The following ZBTB20 variants were observed in gnomAD, a reference collection of about 807,000 sequenced individuals.
ZBTB20 encodes zinc finger and BTB domain containing 20, also known as zinc finger and BTB domain-containing protein 20.
Under a neutral mutation model 56.9 loss-of-function variants are expected in ZBTB20, and 9 were observed. The observed-to-expected ratio is 0.16, with a 90% CI of 0.10 to 0.28. The LOEUF (loss-of-function observed/expected upper bound fraction) is 0.28. Among genes scored for constraint, ZBTB20 ranks in the 10% least tolerant of loss-of-function variants. ZBTB20 has a pLI of 1.00. For missense variants in ZBTB20, 655 were observed against 1,003.0 expected (o/e 0.65, Z 4.69); for synonymous variants, 417 against 420.7 (o/e 0.99, Z 0.11).
In ZBTB20 at chr3:115,003,410, GT is replaced by G. The variant is rs112518810; in HGVS notation, c.-506-28995del. On this transcript the variant is annotated intron_variant, in intron 2 of 11. Coordinates refer to ENST00000675478, the MANE Select transcript of ZBTB20 (RefSeq NM_001348800.3). ...TACAGGAACTCTACTTTCTCCCCAGGTTTTTTTTTTGTTTGTTTTTTGTTTG... is the reference window on the plus strand; with the variant it reads ...TACAGGAACTCTACTTTCTCCCCAGGTTTTTTTTTGTTTGTTTTTTGTTTG... 6.2e-3 allele frequency among the ~76,000 whole-genome samples: 894 copies of G among 144,844 alleles called. 12 individuals are homozygous for G. The highest frequency in any genetic ancestry group is 0.021 in the African/African-American group (864 of 40,556).
chr3:114,944,591 G>A (rs1283980265), intron 3 of ZBTB20, among the ~76,000 whole-genome samples: 1 of 145,550 alleles, frequency 6.9e-6, no homozygotes, highest in Non-Finnish European at 1.5e-5. Context: ...AGTGGCATCA[G>A]CATAAAAACA....
intron 1 of ZBTB20, among the ~76,000 whole-genome samples, chr3:115,132,060 T>C (rs959948901): frequency 1.3e-5 from 2 of 152,276 alleles, no homozygotes; most frequent in East Asian, 1.9e-4. Flanking sequence ...AATAACACTG[T>C]TGACTTCAAA....
chr3:114,767,353 A>G (rs1056410742), intron 5 of ZBTB20, among the ~76,000 whole-genome samples: 7 of 152,102 alleles, frequency 4.6e-5, no homozygotes, highest in Non-Finnish European at 1.0e-4. Context: ...GATATTCTCA[A>G]AACTGGGATG....
At chr3:114,457,388 T>C (rs924290167) in intron 7 of ZBTB20, among the ~76,000 whole-genome samples, 3 of 152,152 alleles carry the variant, frequency 2.0e-5, no homozygotes, top group African/African-American at 7.2e-5. Context: ...CAAAAGTGTA[T>C]ATTATGGATG....
intron 1 of ZBTB20, among the ~76,000 whole-genome samples, chr3:115,120,179 T>C (rs190740285): frequency 6.6e-6 from 1 of 152,156 alleles, no homozygotes; most frequent in African/African-American, 2.4e-5. Context: ...ACTATGACTC[T>C]GGGTGACAAA....
At chr3:114,591,836 C>G (rs541965659) in intron 6 of ZBTB20, among the ~76,000 whole-genome samples, 1 of 152,108 alleles carries the variant, frequency 6.6e-6, no homozygotes, top group African/African-American at 2.4e-5. Context: ...GGACACTGTA[C>G]GTAAAAGCAT....
intron 5 of ZBTB20, among the ~76,000 whole-genome samples, chr3:114,726,797 C>T (rs1037117954): frequency 5.3e-5 from 8 of 150,336 alleles, no homozygotes; most frequent in African/African-American, 1.2e-4. Flanking sequence ...CTGTAGTCCC[C>T]GCTGCTCAGG....
At chr3:114,351,959 G>T in intron 10 of ZBTB20, 81 bp from the exon 11 acceptor site, 1 of 1,515,810 alleles carries the variant, frequency 6.6e-7, no homozygotes, top group South Asian at 1.3e-5. Flanking sequence ...GGTTTCAGGT[G>T]AGTAATGCTC....
intron 6 of ZBTB20, among the ~76,000 whole-genome samples, chr3:114,652,187 C>T (rs1354481302): frequency 6.6e-6 from 1 of 151,990 alleles, no homozygotes; most frequent in Non-Finnish European, 1.5e-5. Flanking sequence ...TTTGTGCCCC[C>T]TTCCAGTTAA....
At chr3:114,982,882 C>T (rs986061814) in intron 2 of ZBTB20, among the ~76,000 whole-genome samples, 1 of 151,922 alleles carries the variant, frequency 6.6e-6, no homozygotes. Flanking sequence ...TGCAGCCAAG[C>T]TAGGCTGGGA....
intron 2 of ZBTB20, among the ~76,000 whole-genome samples, chr3:114,989,676 T>C (rs1576501526): frequency 6.6e-6 from 1 of 152,322 alleles, no homozygotes; most frequent in Non-Finnish European, 1.5e-5. Context: ...GCATTGAATA[T>C]ATAAATTACG....
intron 2 of ZBTB20, among the ~76,000 whole-genome samples, chr3:115,013,908 ATGTG>A (rs35762117): frequency 0.016 from 2,335 of 147,840 alleles, 34 homozygotes; most frequent in South Asian, 0.051. Context: ...CAATCCCTAT[ATGTG>A]TGTGTGTGTG....
At chr3:114,431,667 TA>T (rs2090133383) in intron 7 of ZBTB20, among the ~76,000 whole-genome samples, 1 of 152,024 alleles carries the variant, frequency 6.6e-6, no homozygotes, top group Admixed American at 6.5e-5. Flanking sequence ...CCACCAACAA[TA>T]AAAAGGACAC....
At chr3:114,659,432 T>C (rs958740260) in intron 6 of ZBTB20, among the ~76,000 whole-genome samples, 1 of 152,228 alleles carries the variant, frequency 6.6e-6, no homozygotes, top group South Asian at 2.1e-4. Context: ...TTCCGCCCTC[T>C]GACAGACCAG....
At chr3:114,925,636 C>A (rs1344361697) in intron 3 of ZBTB20, among the ~76,000 whole-genome samples, 3 of 152,142 alleles carry the variant, frequency 2.0e-5, no homozygotes, top group African/African-American at 7.2e-5. Flanking sequence ...ACACAATTCT[C>A]CTGCCTCAGC....
At chr3:115,059,492 C>T (rs950838987) in intron 2 of ZBTB20, among the ~76,000 whole-genome samples, 16 of 152,168 alleles carry the variant, frequency 1.1e-4, no homozygotes, top group Admixed American at 1.3e-4. Context: ...TTCCAATCCG[C>T]GAAAGCTCCA....
chr3:114,535,155 G>C (rs1011626794), intron 6 of ZBTB20, among the ~76,000 whole-genome samples: 2 of 152,118 alleles, frequency 1.3e-5, no homozygotes, highest in Non-Finnish European at 2.9e-5. Flanking sequence ...CAGAACTGAA[G>C]GAGATAGAGA....
In ZBTB20 at chr3:114,384,128, CAT is replaced by C. The variant is rs1491386060; in HGVS notation, c.-153-3190_-153-3189del. Among the ~76,000 whole-genome samples, 545 of 130,612 alleles carry C rather than the reference CAT, an allele frequency of 4.2e-3. 3 individuals are homozygous for C. Among genetic ancestry groups the C allele is most frequent in the African/African-American group, 0.016 (501 of 31,696 alleles). 85.7% of individuals were successfully genotyped at this position (130,612 alleles called of 152,430 possible). On this transcript the variant is annotated intron_variant, in intron 8 of 11. Coordinates refer to ENST00000675478, the MANE Select transcript of ZBTB20 (RefSeq NM_001348800.3). ...TCTCTCTCTCTCTCTCTCTCTCTCTCATTCTCTCTCTCTCTCTCTCATTTTCT... is the reference window on the plus strand; with the variant it reads ...TCTCTCTCTCTCTCTCTCTCTCTCTCTCTCTCTCTCTCTCTCTCATTTTCT...
chr3:114,830,758 G>T (rs2073795190), intron 4 of ZBTB20, among the ~76,000 whole-genome samples: 1 of 151,938 alleles, frequency 6.6e-6, no homozygotes, highest in Non-Finnish European at 1.5e-5. Flanking sequence ...TGGAGCTCTT[G>T]CCCTTACATA....
Sources: allele counts gnomAD v4.1 joint callset (sites outside exome capture counted in the v4.1 genomes callset), GRCh38; gene constraint gnomAD v4.1.1; transcripts MANE v1.5; gene names NCBI Gene and HGNC (gene_info 2026-07-23, HGNC 2026-07-21).